RAF1: variants seen among roughly 807,000 people sequenced by gnomAD.
RAF1 encodes RAF proto-oncogene serine/threonine-protein kinase.
RAF1 carries 27 observed loss-of-function variants against 81.1 expected under a neutral mutation model. The ratio of observed to expected loss-of-function variants is 0.33; its 90% CI spans 0.25 to 0.46. The LOEUF is 0.46. Among genes scored for constraint, RAF1 ranks in the 20% least tolerant of loss-of-function variants. The pLI is 1.00. For missense variants in RAF1, 598 were observed against 826.0 expected (o/e 0.72, Z 3.38); for synonymous variants, 298 against 294.0 (o/e 1.01, Z -0.14).
chr3:12,625,454 T>C (rs1418442060), intron 1 of RAF1, among the ~76,000 whole-genome samples: 3 of 151,982 alleles, frequency 2.0e-5, no homozygotes, highest in Non-Finnish European at 2.9e-5. Flanking sequence ...CAGTGAAGAG[T>C]ATAAACCACA....
At chr3:12,605,250 ATGTGTGTGTGTGTGTGTG>A (rs139616156) in intron 6 of RAF1, among the ~76,000 whole-genome samples, 1 of 144,538 alleles carries the variant, frequency 6.9e-6, no homozygotes, top group African/African-American at 2.6e-5. Flanking sequence ...ATTACACATT[ATGTGTGTGTGTGTGTGTG>A]TGTGTGTGTG....
At position 12,661,790 on chromosome 3, in the gene RAF1, A is replaced by G. The variant is rs182852873; in HGVS notation, c.-27+2023T>C. 4.0e-3 allele frequency among the ~76,000 whole-genome samples: 602 copies of G among 152,316 alleles called. 3 individuals carry two copies. Among genetic ancestry groups the G allele is most frequent in the Non-Finnish European group, 7.3e-3 (499 of 68,024 alleles). ...AAAGTTAACATTTTTGTGAGCAAGT[A>G]TAACTTTAAGAGAATTTTTTGCAAG... On this transcript the variant is annotated intron_variant, in intron 1 of 17. Coordinates refer to ENST00000442415, the MANE Select transcript of RAF1 (RefSeq NM_001354689.3).
chr3:12,654,579 G>A (rs1358431876), intron 1 of RAF1, among the ~76,000 whole-genome samples: 17 of 151,408 alleles, frequency 1.1e-4, no homozygotes, highest in Admixed American at 1.1e-3. Flanking sequence ...TCCAGCCTGG[G>A]CAATGGAGTG....
At chr3:12,612,668 A>G (rs1031155475) in intron 2 of RAF1, among the ~76,000 whole-genome samples, 2 of 151,450 alleles carry the variant, frequency 1.3e-5, no homozygotes, top group South Asian at 2.1e-4. Context: ...AAAAAAAAAA[A>G]GTGAAGAAAT....
rs1300217064 is a variant in RAF1 at position 12,584,042 on chromosome 3, C to G, written c.*472G>C. 1 of 282,012 alleles carries G rather than the reference C, an allele frequency of 3.5e-6. No individual in the cohort carries two copies. Among genetic ancestry groups the G allele is most frequent in the Non-Finnish European group, 6.9e-6 (1 of 145,782 alleles). 17.5% of individuals were successfully genotyped at this position (282,012 alleles called of 1,614,324 possible). A position where few individuals can be genotyped will look rare whatever the true frequency, so the allele number is the denominator to read the frequency against. ...TCGGCAGTCCTGGGCTGTTTGGTGC[C>G]TTATGTGCAAAATGTCTGGCGCTGC... On this transcript the variant is annotated 3_prime_UTR_variant, in exon 18 of 18. Transcript: ENST00000442415.
chr3:12,601,004 A>G (rs1242853908), intron 8 of RAF1, among the ~76,000 whole-genome samples: 5 of 152,238 alleles, frequency 3.3e-5, no homozygotes, highest in African/African-American at 1.2e-4. Flanking sequence ...TTCTTGTTCC[A>G]CTGAGGCTCA....
At chr3:12,647,868 CACTCT>C (rs2060402895) in intron 1 of RAF1, among the ~76,000 whole-genome samples, 2 of 152,120 alleles carry the variant, frequency 1.3e-5, no homozygotes, top group Non-Finnish European at 2.9e-5. Context: ...AGAAATAAGC[CACTCT>C]ACTCTTCTAA....
At chr3:12,647,859 G>C (rs1413694291) in intron 1 of RAF1, among the ~76,000 whole-genome samples, 1 of 151,496 alleles carries the variant, frequency 6.6e-6, no homozygotes, top group African/African-American at 2.4e-5. Context: ...CACACATGAA[G>C]AAATAAGCCA....
In RAF1 at chr3:12,590,294, G is replaced by C. The variant is rs1217769675; in HGVS notation, c.1430+504C>G. 3.7e-5 allele frequency: 6 copies of C among 163,134 alleles called. No homozygotes were observed. In the East Asian group the frequency reaches 1.0e-3, roughly 28 times the overall value. 10.1% of individuals were successfully genotyped at this position (163,134 alleles called of 1,614,324 possible). ...GAGCCCAAAGCTGAGCCCCAAGGGGGAAGTTCAGTCCCAAGGAGGAACCTG... is the reference window on the plus strand; with the variant it reads ...GAGCCCAAAGCTGAGCCCCAAGGGGCAAGTTCAGTCCCAAGGAGGAACCTG... On this transcript the variant is annotated intron_variant, in intron 13 of 17. Transcript: ENST00000442415.
intron 8 of RAF1, among the ~76,000 whole-genome samples, chr3:12,601,500 T>A (rs1410340243): frequency 5.3e-5 from 8 of 152,144 alleles, no homozygotes; most frequent in Admixed American, 4.6e-4. Context: ...TAGAACAGTA[T>A]AATAGAATAA....
rs892863995 is a variant in RAF1, at chr3:12,663,844, C to A, written c.-58G>T. On this transcript the variant is annotated 5_prime_UTR_variant, in exon 1 of 18. Transcript: ENST00000442415. Reference sequence around the variant, plus strand: ...GAGCCAGGCCGCCCCAACGTCCTGTCGTTCGGCGGCAGCTTCTCGCCCGCT... The same window carrying A: ...GAGCCAGGCCGCCCCAACGTCCTGTAGTTCGGCGGCAGCTTCTCGCCCGCT... The A allele has an allele frequency of 1.1e-4, 42 of 397,880 alleles. No individual in the cohort carries two copies. The East Asian group carries it at 1.4e-3, about 14-fold the overall frequency. 24.6% of individuals were successfully genotyped at this position (397,880 alleles called of 1,614,324 possible).
In RAF1 at chr3:12,609,308, A is replaced by C; in HGVS notation, c.348T>G (p.Thr116=). Residue 116 remains threonine, a synonymous_variant, in exon 4 of 18, where the codon ACT becomes ACG. Coordinates refer to ENST00000442415, the MANE Select transcript of RAF1 (RefSeq NM_001354689.3). ...CTTCTCCAATCAAAGACGCAGCATC[A>C]GTATTCCAATCTAAGCGTGCTTTTT... is the stretch of plus-strand genomic sequence containing the variant. The C allele has an allele frequency of 6.2e-7, 1 of 1,613,580 alleles. No homozygotes were observed. Among genetic ancestry groups the C allele is most frequent in the Non-Finnish European group, 8.5e-7 (1 of 1,179,496 alleles).
At chr3:12,634,211 G>C (rs1331433882) in intron 1 of RAF1, among the ~76,000 whole-genome samples, 1 of 148,508 alleles carries the variant, frequency 6.7e-6, no homozygotes, top group African/African-American at 2.5e-5. Flanking sequence ...GCAGTGGCAT[G>C]ACCTTGCTCA....
At position 12,663,674 on chromosome 3, in the gene RAF1, A is replaced by G. The variant is rs2348200; in HGVS notation, c.-27+139T>C. 316,064 of 386,552 alleles carry G rather than the reference A, an allele frequency of 0.82. 130,230 individuals carry two copies. Among genetic ancestry groups the G allele is most frequent in the African/African-American group, 0.95 (45,937 of 48,238 alleles). 23.9% of individuals were successfully genotyped at this position (386,552 alleles called of 1,614,324 possible). The stretch of plus-strand genomic sequence containing the variant: ...CGCCCAACGCTACCCCAGGGTGACA[A>G]CGGCCTGGCCCAAGCCCTCTGCCCG... On this transcript the variant is annotated intron_variant, in intron 1 of 17. Transcript: ENST00000442415.
intron 6 of RAF1, 51 bp downstream of exon 6, chr3:12,606,150 C>G (rs1481181496): frequency 7.1e-7 from 1 of 1,412,508 alleles, no homozygotes; most frequent in Non-Finnish European, 1.0e-6. Context: ...AGCTTCCAAC[C>G]CCACCACCCC....
rs977722073 is a variant in RAF1 at position 12,623,272 on chromosome 3, A to T, written c.-26-4525T>A. On this transcript the variant is annotated intron_variant, in intron 1 of 17. Coordinates refer to ENST00000442415, the MANE Select transcript of RAF1 (RefSeq NM_001354689.3). ...CAATCGATTGGTGAAGAATCCACTGATAAGACTAAAATGTAACCTCAGTCC... is the reference window on the plus strand; with the variant it reads ...CAATCGATTGGTGAAGAATCCACTGTTAAGACTAAAATGTAACCTCAGTCC... Among the ~76,000 whole-genome samples the T allele has an allele frequency of 2.0e-5, 3 of 152,290 alleles. No homozygotes were observed. The East Asian group carries it at 5.8e-4, about 29-fold the overall frequency.
At chr3:12,632,286 T>C (rs904494661) in intron 1 of RAF1, among the ~76,000 whole-genome samples, 1 of 141,534 alleles carries the variant, frequency 7.1e-6, no homozygotes, top group Non-Finnish European at 1.5e-5. Context: ...ATTGCACCGT[T>C]GCACTCCAGC....
intron 1 of RAF1, among the ~76,000 whole-genome samples, chr3:12,619,552 C>T (rs904741298): frequency 2.1e-5 from 3 of 143,134 alleles, no homozygotes; most frequent in Non-Finnish European, 4.5e-5. Flanking sequence ...GGGACAAGAG[C>T]GAGACTCCAT....
intron 1 of RAF1, among the ~76,000 whole-genome samples, chr3:12,650,077 C>T (rs955897173): frequency 7.6e-6 from 1 of 132,332 alleles, no homozygotes; most frequent in African/African-American, 2.8e-5. Context: ...ACCCAGGAGG[C>T]GGAGGTCGCA....
Sources: gnomAD v4.1 joint callset for allele counts (sites outside exome capture counted in the v4.1 genomes callset) on GRCh38, gnomAD v4.1.1 for gene constraint, MANE v1.5 for transcripts, NCBI Gene and HGNC (gene_info 2026-07-23, HGNC 2026-07-21) for gene names.